The following AWAT2 variants were observed in gnomAD, a reference collection of about 807,000 sequenced individuals.
AWAT2 encodes the protein 11-cis-RE-synthase.
A neutral mutation model predicts 22.3 loss-of-function variants in AWAT2; 9 were observed. The ratio of observed to expected loss-of-function variants is 0.40; its 90% confidence interval spans 0.24 to 0.70. AWAT2 has a LOEUF of 0.70. Among genes scored for constraint, AWAT2 ranks in the 30% least tolerant of loss-of-function variants. AWAT2 has a pLI of 0.36. For missense variants in AWAT2, 217 were observed against 265.9 expected, an observed-to-expected ratio of 0.82 and a Z score of 1.28; for synonymous variants, 100 against 93.4, an observed-to-expected ratio of 1.07 and a Z score of -0.40.
Position 70,043,390 on chromosome X carries a change from G to A in AWAT2, c.472+88C>T, listed in dbSNP as rs909390945. Reference sequence around the variant, plus strand: ...GCTGTTTCACACCAGAGGGGATTGGGAGCTGGCCTTGCTCTCACGCATCCC... The same window carrying A: ...GCTGTTTCACACCAGAGGGGATTGGAAGCTGGCCTTGCTCTCACGCATCCC... On this transcript the variant is annotated intron_variant, in intron 4 of 7. Coordinates refer to ENST00000276101, the MANE Select transcript of AWAT2 (RefSeq NM_001002254.1). The A allele has an allele frequency of 4.9e-6, 5 of 1,016,501 alleles. No homozygotes were observed. The Admixed American group carries it at 1.4e-4, about 29-fold the overall frequency. The allele number at this position is 1,016,501 out of a possible 1,213,427, so 83.8% of individuals were successfully genotyped here.
At chrX:70,043,437 G>A (rs377161414) in intron 4 of AWAT2, 41 bp downstream of exon 4, 2 of 1,146,766 alleles carry the variant, frequency 1.7e-6, no homozygotes, top group Non-Finnish European at 2.4e-6. Context: ...CCCTTGGGGA[G>A]CCATTTTTTC....
rs1301734475 is a variant in AWAT2 at position 70,040,679 on chromosome X, G to C, written c.*979C>G. The C allele has an allele frequency of 8.9e-6, 1 of 112,395 alleles. No homozygotes were observed. The highest frequency in any genetic ancestry group is 3.2e-5 in the African/African-American group (1 of 30,924). 9.3% of individuals were successfully genotyped at this position (112,395 alleles called of 1,213,427 possible). A position where few individuals can be genotyped will look rare whatever the true frequency, so the allele number is the denominator to read the frequency against. Reference sequence around the variant, plus strand: ...TCACATGAGGCAGGCACCCAGGATAGAGGCAGCAGCTCACACTGCAGTAAA... The same window carrying C: ...TCACATGAGGCAGGCACCCAGGATACAGGCAGCAGCTCACACTGCAGTAAA... On this transcript the variant is annotated 3_prime_UTR_variant, in exon 8 of 8. Coordinates refer to ENST00000276101, the MANE Select transcript of AWAT2 (RefSeq NM_001002254.1).
intron 1 of AWAT2, among the ~76,000 whole-genome samples, chrX:70,046,018 C>G (rs1417662932): frequency 1.8e-5 from 2 of 110,771 alleles, no homozygotes; most frequent in Non-Finnish European, 3.8e-5. Flanking sequence ...CTCAAGGGCC[C>G]TGGAGGTGAC....
intron 1 of AWAT2, among the ~76,000 whole-genome samples, chrX:70,049,423 C>T (rs1016509189): frequency 1.8e-5 from 2 of 111,485 alleles, no homozygotes; most frequent in African/African-American, 3.3e-5. Flanking sequence ...TCCAGAGCCT[C>T]GGTCTGCCAC....
Position 70,041,630 on chromosome X carries a change from G to GA in AWAT2, c.*36-9dup, listed in dbSNP as rs200637971. 0.012 allele frequency: 5,173 copies of GA among 438,476 alleles called. 117 individuals are homozygous for GA. Among genetic ancestry groups the GA allele is most frequent in the African/African-American group, 0.079 (3,136 of 39,551 alleles). The allele number at this position is 438,476 out of a possible 1,213,427, so 36.1% of individuals were successfully genotyped here. A position where few individuals can be genotyped will look rare whatever the true frequency, so the allele number is the denominator to read the frequency against. ...AGAAAGGGCAGAAAAGAGCTGGAAG[G>GA]AAAAAAAAGGAGGTGGGAAAAGGAG... On this transcript the variant is annotated splice_polypyrimidine_tract_variant and intron_variant, in intron 7 of 7. Coordinates refer to ENST00000276101, the MANE Select transcript of AWAT2 (RefSeq NM_001002254.1).
intron 1 of AWAT2, among the ~76,000 whole-genome samples, chrX:70,046,091 G>A (rs769920085): frequency 8.2e-4 from 92 of 111,660 alleles, no homozygotes; most frequent in Non-Finnish European, 1.6e-3. Flanking sequence ...TGTTCTAAAG[G>A]AAATAAAAGG....
At chrX:70,042,092 C>T in intron 6 of AWAT2, 95 bp downstream of exon 6, 2 of 1,089,506 alleles carry the variant, frequency 1.8e-6, no homozygotes, top group South Asian at 2.1e-5. Flanking sequence ...TCCCAGCCAG[C>T]CTCCCTGCCT....
At chrX:70,044,049 C>T in intron 2 of AWAT2, 53 bp from the exon 3 acceptor site, 1 of 1,111,718 alleles carries the variant, frequency 9.0e-7, no homozygotes. Context: ...TGTGGGCCTG[C>T]CCCAGGGTGC....
At position 70,048,181 on chromosome X, in the gene AWAT2, C is replaced by T. The variant is rs759164468; in HGVS notation, c.85+1667G>A. 8.1e-5 allele frequency among the ~76,000 whole-genome samples: 9 copies of T among 111,089 alleles called. No individual in the cohort carries two copies. The South Asian group carries it at 3.1e-3, about 38-fold the overall frequency. ...CTGGCATTGCCCCTTCCACTTCTATCTTCCTATAATCAGTTGACTTCACAG... is the reference window on the plus strand; with the variant it reads ...CTGGCATTGCCCCTTCCACTTCTATTTTCCTATAATCAGTTGACTTCACAG... On this transcript the variant is annotated intron_variant, in intron 1 of 7. Transcript: ENST00000276101.
intron 5 of AWAT2, 192 bp downstream of exon 5, chrX:70,042,876 CT>C (rs750632311): frequency 0.042 from 13,783 of 328,649 alleles, 1 homozygote; most frequent in Middle Eastern, 0.056. Flanking sequence ...CCTCCTCCCT[CT>C]TTTTTTTTTT....
rs1386756733 is a variant in AWAT2 at position 70,040,818 on chromosome X, C to A, written c.*840G>T. On this transcript the variant is annotated 3_prime_UTR_variant, in exon 8 of 8. Coordinates refer to ENST00000276101, the MANE Select transcript of AWAT2 (RefSeq NM_001002254.1). ...AGGGATGTGAGCCAAATTTTGTAGC[C>A]TGTCATTGCAACAGCCATTAGACCA... The A allele has an allele frequency of 8.9e-6, 1 of 112,206 alleles. No homozygotes were observed. The highest frequency in any genetic ancestry group is 1.9e-5 in the Non-Finnish European group (1 of 53,264). 9.2% of individuals were successfully genotyped at this position (112,206 alleles called of 1,213,427 possible).
At position 70,042,838 on chromosome X, in the gene AWAT2, C is replaced by T. The variant is rs913227147; in HGVS notation, c.647+231G>A. The T allele has an allele frequency of 5.1e-5, 20 of 395,516 alleles. No homozygotes were observed. The Middle Eastern group carries it at 2.0e-3, about 40-fold the overall frequency. The allele number at this position is 395,516 out of a possible 1,213,427, so 32.6% of individuals were successfully genotyped here. A position where few individuals can be genotyped will look rare whatever the true frequency, so the allele number is the denominator to read the frequency against. The stretch of plus-strand genomic sequence containing the variant: ...AGCAGAAATGCCTCCAGGACCTGGC[C>T]CCAGCTCTTCAACCCAGAGGTGGCT... On this transcript the variant is annotated intron_variant, in intron 5 of 7. Transcript: ENST00000276101.
rs199713260 is a variant in AWAT2, at chrX:70,044,989, A to G, written c.86-527T>C. Among the ~76,000 whole-genome samples, 4 of 112,788 alleles carry G rather than the reference A, an allele frequency of 3.5e-5. No homozygotes were observed. The East Asian group carries it at 1.1e-3, about 32-fold the overall frequency. ...AGAATAGAATAAGGTACTGGGCTGT[A>G]TTAAGTTCCAGTAAGATAGGAACAC... On this transcript the variant is annotated intron_variant, in intron 1 of 7. Transcript: ENST00000276101.
chrX:70,045,987 T>C (rs1392092661), intron 1 of AWAT2, among the ~76,000 whole-genome samples: 2 of 111,118 alleles, frequency 1.8e-5, no homozygotes, highest in Non-Finnish European at 3.8e-5. Flanking sequence ...AGCAGCTTCT[T>C]AAATTTTGCA....
intron 1 of AWAT2, among the ~76,000 whole-genome samples, chrX:70,048,829 G>A (rs983791357): frequency 1.8e-5 from 2 of 111,395 alleles, no homozygotes; most frequent in Admixed American, 9.6e-5. Flanking sequence ...TGGTGCCTCC[G>A]TCAGCCTGAA....
In AWAT2 at chrX:70,042,320, A is replaced by C; in HGVS notation, c.714T>G (p.Pro238=). The change falls in exon 6 of 8, where the codon CCT becomes CCG. Residue 238 remains proline (P), a synonymous_variant. Coordinates refer to ENST00000276101, the MANE Select transcript of AWAT2 (RefSeq NM_001002254.1). ...TDLYDQHIFT[P]GGFVNRFQKW... Reference sequence around the variant, plus strand: ...TCTGGAAGCGGTTGACAAAGCCACCAGGAGTGAAAATGTGCTGATCATAGA... The same window carrying C: ...TCTGGAAGCGGTTGACAAAGCCACCCGGAGTGAAAATGTGCTGATCATAGA... 1 of 1,212,305 alleles carries C rather than the reference A, an allele frequency of 8.2e-7. No homozygotes were observed. Among genetic ancestry groups the C allele is most frequent in the East Asian group, 3.0e-5 (1 of 33,865 alleles).
Position 70,043,917 on chromosome X carries a change from G to C in AWAT2, c.267+9C>G. 1 of 1,200,408 alleles carries C rather than the reference G, an allele frequency of 8.3e-7. No homozygotes were observed. The highest frequency in any genetic ancestry group is 1.7e-5 in the African/African-American group (1 of 57,510). ...ACCTGGGCCTGAGTGGGGACCTGGGGCTACTGACCTTGAGAGGGAAATAAT... is the reference window on the plus strand; with the variant it reads ...ACCTGGGCCTGAGTGGGGACCTGGGCCTACTGACCTTGAGAGGGAAATAAT... On this transcript the variant is annotated intron_variant, in intron 3 of 7. Coordinates refer to ENST00000276101, the MANE Select transcript of AWAT2 (RefSeq NM_001002254.1).
intron 1 of AWAT2, among the ~76,000 whole-genome samples, chrX:70,046,303 T>C (rs766872686): frequency 3.6e-5 from 4 of 111,879 alleles, no homozygotes; most frequent in Non-Finnish European, 7.5e-5. Context: ...AAATGAATGA[T>C]TTTTCTAATA....
intron 1 of AWAT2, among the ~76,000 whole-genome samples, chrX:70,046,746 G>C (rs2020364607): frequency 9.0e-6 from 1 of 111,693 alleles, no homozygotes; most frequent in African/African-American, 3.3e-5. Flanking sequence ...AGTCTGTGAA[G>C]CTTTTTATGT....
Sources: allele counts gnomAD v4.1 joint callset (sites outside exome capture counted in the v4.1 genomes callset), GRCh38; gene constraint gnomAD v4.1.1; transcripts MANE v1.5; gene names NCBI Gene and HGNC (gene_info 2026-07-23, HGNC 2026-07-21).